The following JARID2 variants were observed in gnomAD, a reference collection of about 807,000 sequenced individuals.
The protein encoded by JARID2 is jumonji and AT-rich interaction domain containing 2.
A neutral mutation model predicts 125.6 loss-of-function variants in JARID2; 21 were observed. That is an observed-to-expected ratio of 0.17 (90% CI 0.12 to 0.24). The LOEUF (loss-of-function observed/expected upper bound fraction) is 0.24, where lower values mean the gene tolerates loss of function less well. JARID2 is among the 10% of genes least tolerant of loss of function. The pLI, the probability that JARID2 is intolerant of heterozygous loss-of-function variation, is 1.00. For missense variants in JARID2, 1,303 were observed against 1,639.6 expected, an observed-to-expected ratio of 0.79 and a Z score of 3.55; for synonymous variants, 736 against 661.6, an observed-to-expected ratio of 1.11 and a Z score of -1.73.
chr6:15,486,120 A>G (rs764070149), intron 5 of JARID2, among the ~76,000 whole-genome samples: 18 of 152,152 alleles, frequency 1.2e-4, no homozygotes, highest in Non-Finnish European at 2.4e-4. Flanking sequence ...AGATCACTAT[A>G]GCTTCCCCTT....
intron 3 of JARID2, among the ~76,000 whole-genome samples, chr6:15,421,203 T>C (rs1766473738): frequency 6.6e-6 from 1 of 152,168 alleles, no homozygotes; most frequent in African/African-American, 2.4e-5. Context: ...CCGTCAGGGA[T>C]CACAGTATGT....
intron 2 of JARID2, among the ~76,000 whole-genome samples, chr6:15,400,612 G>A (rs1420802040): frequency 6.6e-6 from 1 of 151,986 alleles, no homozygotes; most frequent in Admixed American, 6.5e-5. Context: ...TGCATTGCAG[G>A]TTGGGGAAAT....
At chr6:15,472,542 G>A (rs940971963) in intron 5 of JARID2, among the ~76,000 whole-genome samples, 4 of 152,030 alleles carry the variant, frequency 2.6e-5, no homozygotes, top group East Asian at 3.9e-4. Flanking sequence ...TGATTATGTC[G>A]TATTTGAATT....
At chr6:15,501,524 AG>A (rs1770734955) in intron 8 of JARID2, 115 bp downstream of exon 8, 2 of 1,031,428 alleles carry the variant, frequency 1.9e-6, no homozygotes, top group South Asian at 1.7e-5. Flanking sequence ...TGGGGTGATG[AG>A]GGGGCGGGCC....
At chr6:15,339,532 G>A (rs553523776) in intron 1 of JARID2, among the ~76,000 whole-genome samples, 49 of 40,066 alleles carry the variant, frequency 1.2e-3, no homozygotes, top group Non-Finnish European at 2.3e-3. Flanking sequence ...CGCCCCACCC[G>A]CCCTGCTTTT....
At chr6:15,305,447 C>G (rs148320430) in intron 1 of JARID2, among the ~76,000 whole-genome samples, 2 of 152,196 alleles carry the variant, frequency 1.3e-5, no homozygotes, top group South Asian at 4.1e-4. Context: ...GTTTTCGCCA[C>G]GCTAAATTTC....
At chr6:15,268,861 C>T (rs1760190383) in intron 1 of JARID2, among the ~76,000 whole-genome samples, 2 of 152,136 alleles carry the variant, frequency 1.3e-5, no homozygotes, top group Non-Finnish European at 2.9e-5. Context: ...AAAATAAAAA[C>T]TTCAGGATTT....
chr6:15,466,713 C>G (rs1270444960), intron 4 of JARID2, among the ~76,000 whole-genome samples: 2 of 152,200 alleles, frequency 1.3e-5, no homozygotes, highest in Admixed American at 1.3e-4. Flanking sequence ...TGCTAATTAG[C>G]CTCCTGTTTT....
chr6:15,490,293 A>G (rs1770089302), intron 6 of JARID2, among the ~76,000 whole-genome samples: 1 of 152,142 alleles, frequency 6.6e-6, no homozygotes, highest in South Asian at 2.1e-4. Flanking sequence ...TTAAAAGCAT[A>G]AATGTGACTG....
chr6:15,492,668 G>A (rs1207437576), intron 6 of JARID2, among the ~76,000 whole-genome samples: 1 of 152,210 alleles, frequency 6.6e-6, no homozygotes, highest in African/African-American at 2.4e-5. Flanking sequence ...ACATGGAGCA[G>A]CTTAAGGGGC....
At chr6:15,394,577 A>G (rs2071306744) in intron 2 of JARID2, among the ~76,000 whole-genome samples, 1 of 152,196 alleles carries the variant, frequency 6.6e-6, no homozygotes, top group African/African-American at 2.4e-5. Flanking sequence ...GCAGCGTGGG[A>G]CACAGAGCAA....
At chr6:15,361,355 T>A (rs921543520) in intron 1 of JARID2, among the ~76,000 whole-genome samples, 1 of 152,218 alleles carries the variant, frequency 6.6e-6, no homozygotes, top group South Asian at 2.1e-4. Flanking sequence ...GTCTGCTACT[T>A]CTTTGCTCCG....
At chr6:15,428,821 G>A (rs895852571) in intron 3 of JARID2, among the ~76,000 whole-genome samples, 3 of 151,444 alleles carry the variant, frequency 2.0e-5, no homozygotes, top group South Asian at 4.2e-4. Flanking sequence ...CAGGAGAATC[G>A]CTGGAACCCG....
At chr6:15,474,767 C>G (rs1210229339) in intron 5 of JARID2, among the ~76,000 whole-genome samples, 1 of 152,190 alleles carries the variant, frequency 6.6e-6, no homozygotes, top group African/African-American at 2.4e-5. Flanking sequence ...AATTTTGTCC[C>G]TGTAATCCAT....
intron 1 of JARID2, among the ~76,000 whole-genome samples, chr6:15,305,716 GCCTTGATT>G (rs1005269160): frequency 2.0e-4 from 31 of 152,046 alleles, no homozygotes; most frequent in Admixed American, 1.6e-3. Context: ...AGGGTTCTTG[GCCTTGATT>G]CCTCCCCACC....
At chr6:15,413,020 TTTG>T (rs533983130) in intron 3 of JARID2, among the ~76,000 whole-genome samples, 3,325 of 79,554 alleles carry the variant, frequency 0.042, 571 homozygotes, top group African/African-American at 0.079. Context: ...TTTTTTTTTT[TTTG>T]TTTTTTTTTT....
At chr6:15,430,972 T>C (rs892538375) in intron 3 of JARID2, among the ~76,000 whole-genome samples, 2 of 152,210 alleles carry the variant, frequency 1.3e-5, no homozygotes, top group African/African-American at 2.4e-5. Flanking sequence ...CCAAGAAATA[T>C]GTTTGCATTC....
chr6:15,426,847 A>T (rs973019641), intron 3 of JARID2, among the ~76,000 whole-genome samples: 1 of 152,192 alleles, frequency 6.6e-6, no homozygotes, highest in South Asian at 2.1e-4. Flanking sequence ...TATGGTTTTG[A>T]TCAAAAGGCT....
chr6:15,350,999 T>TA (rs368641063), intron 1 of JARID2, among the ~76,000 whole-genome samples: 6,238 of 136,760 alleles, frequency 0.046, 148 homozygotes, highest in South Asian at 0.14. Flanking sequence ...GATTTCAAAG[T>TA]AAAAAAAAAA....
Sources: allele counts gnomAD v4.1 joint callset (sites outside exome capture counted in the v4.1 genomes callset), GRCh38; gene constraint gnomAD v4.1.1; transcripts MANE v1.5; gene names NCBI Gene and HGNC (gene_info 2026-07-23, HGNC 2026-07-21).